Variants in MID1 observed in about 807,000 individuals in gnomAD.
MID1 encodes the protein E3 ubiquitin-protein ligase Midline-1.
In MID1, 7 loss-of-function variants were observed where a neutral mutation model predicts 40.4. That is an observed-to-expected ratio of 0.17 (90% CI 0.10 to 0.33). The LOEUF (loss-of-function observed/expected upper bound fraction) is 0.33, where lower values mean the gene tolerates loss of function less well. Ranked by LOEUF, MID1 falls within the 10% of genes least tolerant of loss-of-function variation. MID1 has a pLI of 1.00. For synonymous variants in MID1, 229 were observed against 221.2 expected (o/e 1.04, Z -0.31); for missense variants, 367 against 558.5 (o/e 0.66, Z 3.46).
intron 2 of MID1, among the ~76,000 whole-genome samples, chrX:10,549,322 T>C (rs572111994): frequency 5.3e-5 from 6 of 113,232 alleles, no homozygotes; most frequent in Middle Eastern, 4.6e-3. Flanking sequence ...AAACTGCATC[T>C]AGTAGAAGGA....
At chrX:10,493,394 C>A (rs6640659) in intron 4 of MID1, among the ~76,000 whole-genome samples, 1 of 111,136 alleles carries the variant, frequency 9.0e-6, no homozygotes, top group Non-Finnish European at 1.9e-5. Context: ...CCTTGACTGT[C>A]GATTTTGTTT....
intron 1 of MID1, among the ~76,000 whole-genome samples, chrX:10,817,566 TTC>T (rs1242086835): frequency 1.1e-5 from 1 of 92,600 alleles, no homozygotes; most frequent in Admixed American, 1.2e-4. Context: ...CTTTCTTTCT[TTC>T]TTTCTCTCTT....
chrX:10,582,165 T>A (rs1384943826), intron 1 of MID1, among the ~76,000 whole-genome samples: 1 of 111,628 alleles, frequency 9.0e-6, no homozygotes, highest in Non-Finnish European at 1.9e-5. Context: ...GCATCATACC[T>A]AAGCAACTCC....
intron 1 of MID1, among the ~76,000 whole-genome samples, chrX:10,806,976 GCT>G (rs1481514565): frequency 4.5e-5 from 5 of 112,218 alleles, no homozygotes; most frequent in Non-Finnish European, 9.4e-5. Context: ...GGGTGCAGTA[GCT>G]CACGCCTGTA....
Position 10,649,212 on chromosome X carries a change from T to A in MID1, c.-186-28793A>T, listed in dbSNP as rs756193214. On this transcript the variant is annotated intron_variant, in intron 1 of 10. Transcript: ENST00000380785. ...GCAGTACAAATGAGGCCCCTCTAAG[T>A]AGGTGCATGTAAGTGGGTATTATAC... 1.7e-4 allele frequency among the ~76,000 whole-genome samples: 19 copies of A among 111,955 alleles called. No homozygotes were observed. The South Asian group carries it at 7.1e-3, about 42-fold the overall frequency.
chrX:10,726,784 C>G (rs753070798), intron 1 of MID1, among the ~76,000 whole-genome samples: 2 of 112,665 alleles, frequency 1.8e-5, no homozygotes, highest in African/African-American at 6.4e-5. Context: ...TGGCAACTCG[C>G]TGACCCACAT....
At chrX:10,642,167 G>A (rs761068089) in intron 1 of MID1, among the ~76,000 whole-genome samples, 1 of 111,535 alleles carries the variant, frequency 9.0e-6, no homozygotes, top group South Asian at 3.8e-4. Context: ...TTCTGGCCAG[G>A]GCAATCAGGC....
chrX:10,751,059 G>A (rs2043594951), intron 1 of MID1, among the ~76,000 whole-genome samples: 1 of 110,581 alleles, frequency 9.0e-6, no homozygotes, highest in Non-Finnish European at 1.9e-5. Context: ...GGGGTCAGGA[G>A]TTCGAAACCA....
Position 10,449,380 on chromosome X carries a change from C to T in MID1, c.1992G>A (p.Glu664=), listed in dbSNP as rs1181097307. The change falls in exon 10 of 10, where the codon GAG becomes GAA. Residue 664 remains glutamate, a synonymous_variant. Transcript: ENST00000317552. ...LPIPDHLDCT[E]QLP ...TGTGGCCAGACGCTCACGGCAGCTG[C>T]TCTGTGCAGTCCAAATGGTCTGGGA... is the stretch of plus-strand genomic sequence containing the variant. 1 of 1,210,094 alleles carries T rather than the reference C, an allele frequency of 8.3e-7. No homozygotes were observed. Among genetic ancestry groups the T allele is most frequent in the African/African-American group, 1.7e-5 (1 of 57,788 alleles).
chrX:10,717,258 TA>T (rs1461267227), intron 1 of MID1, among the ~76,000 whole-genome samples: 1 of 109,369 alleles, frequency 9.1e-6, no homozygotes, highest in South Asian at 4.0e-4. Context: ...GCAAATTCGA[TA>T]AAGAGTCAAG....
chrX:10,655,557 A>C (rs2042865024), intron 1 of MID1, among the ~76,000 whole-genome samples: 1 of 111,271 alleles, frequency 9.0e-6, no homozygotes, highest in African/African-American at 3.3e-5. Context: ...GTTTCTGTGC[A>C]GCTTCAAATG....
At chrX:10,758,483 CTTTTTTTTTTTTT>C (rs1157401550) in intron 1 of MID1, among the ~76,000 whole-genome samples, 1 of 63,875 alleles carries the variant, frequency 1.6e-5, no homozygotes, top group African/African-American at 7.8e-5. Flanking sequence ...CTTTTCTTTC[CTTTTTTTTTTTTT>C]TTTTTTTTTT....
At chrX:10,445,484 AT>A (rs1452212062), downstream of MID1, 3 of 112,529 alleles carry the variant, frequency 2.7e-5, no homozygotes, top group Non-Finnish European at 5.6e-5. Flanking sequence ...TGTTGAATAA[AT>A]ATTTGTCAAC....
rs775155252 is a variant in MID1 at position 10,537,313 on chromosome X, C to CTTCAAAA, written c.661-14133_661-14127dup. 5.9e-3 allele frequency among the ~76,000 whole-genome samples: 658 copies of CTTCAAAA among 112,061 alleles called. 8 individuals are homozygous for CTTCAAAA. The highest frequency in any genetic ancestry group is 0.02 in the African/African-American group (617 of 30,854). ...ACCATTGGTTGGACTCAGTGTACCT[C>CTTCAAAA]TTCAAAATTCAAAATTCAGCTTGAC... On this transcript the variant is annotated intron_variant, in intron 2 of 9. Coordinates refer to ENST00000317552, the MANE Select transcript of MID1 (RefSeq NM_000381.4).
intron 3 of MID1, among the ~76,000 whole-genome samples, chrX:10,520,510 G>A (rs1569081989): frequency 1.8e-5 from 2 of 112,252 alleles, no homozygotes; most frequent in East Asian, 2.8e-4. Flanking sequence ...TCTACTGACA[G>A]TTATAGGCAC....
intron 2 of MID1, chrX:10,565,351 G>A: frequency 3.0e-6 from 1 of 329,802 alleles, no homozygotes; most frequent in Admixed American, 3.1e-5. Flanking sequence ...CAGCATGTCG[G>A]CTTCCCTCAA....
chrX:10,577,768 G>GAAAGAATTTAA (rs200828644), intron 1 of MID1, among the ~76,000 whole-genome samples: 10,132 of 102,662 alleles, frequency 0.099, 880 homozygotes, highest in African/African-American at 0.27. Flanking sequence ...AGAATGGAAA[G>GAAAGAATTTAA]AAGTAATCTT....
At chrX:10,521,465 T>C (rs1324320244) in intron 3 of MID1, among the ~76,000 whole-genome samples, 1 of 111,130 alleles carries the variant, frequency 9.0e-6, no homozygotes, top group East Asian at 2.8e-4. Context: ...TTCTGACAAA[T>C]AGACATGGGT....
intron 1 of MID1, among the ~76,000 whole-genome samples, chrX:10,722,010 A>G (rs1403200962): frequency 2.7e-5 from 3 of 111,563 alleles, no homozygotes; most frequent in Non-Finnish European, 5.6e-5. Context: ...CCACCAACAT[A>G]GTTCTTTGGC....
Sources: gnomAD v4.1 joint callset for allele counts (sites outside exome capture counted in the v4.1 genomes callset) on GRCh38, gnomAD v4.1.1 for gene constraint, MANE v1.5 for transcripts, NCBI Gene and HGNC (gene_info 2026-07-23, HGNC 2026-07-21) for gene names.